Variants in WDR7 observed in about 807,000 individuals in gnomAD.
The protein encoded by WDR7 is WD repeat-containing protein 7.
WDR7 carries 46 observed loss-of-function variants against 169.4 expected under a neutral mutation model. The observed-to-expected ratio is 0.27, with a 90% CI of 0.21 to 0.35. WDR7 has a LOEUF of 0.35. WDR7 is among the 10% of genes least tolerant of loss of function. The pLI is 1.00. For missense variants in WDR7, 1,534 were observed against 1,859.3 expected (o/e 0.83, Z 3.22); for synonymous variants, 612 against 666.8 (o/e 0.92, Z 1.27).
At chr18:56,941,196 G>A (rs2047031518) in intron 25 of WDR7, among the ~76,000 whole-genome samples, 1 of 152,096 alleles carries the variant, frequency 6.6e-6, no homozygotes, top group African/African-American at 2.4e-5. Flanking sequence ...TCCTATGCTG[G>A]AGTAGAATTA....
At chr18:56,951,675 CTG>C (rs1202879970) in intron 25 of WDR7, among the ~76,000 whole-genome samples, 1 of 151,942 alleles carries the variant, frequency 6.6e-6, no homozygotes, top group African/African-American at 2.4e-5. Context: ...TACTGTATAT[CTG>C]TATTATATCT....
chr18:56,998,218 C>G (rs1173295043), intron 26 of WDR7, among the ~76,000 whole-genome samples: 2 of 152,160 alleles, frequency 1.3e-5, no homozygotes, highest in African/African-American at 4.8e-5. Context: ...GCCTGTGTTA[C>G]TCTCTCAGAC....
At chr18:56,727,170 A>C (rs1000489713) in intron 13 of WDR7, among the ~76,000 whole-genome samples, 1 of 152,220 alleles carries the variant, frequency 6.6e-6, no homozygotes, top group Admixed American at 6.5e-5. Flanking sequence ...AAATCCTTAC[A>C]TCTATTTTTT....
At chr18:56,846,089 T>C (rs1327381231) in intron 20 of WDR7, among the ~76,000 whole-genome samples, 1 of 152,216 alleles carries the variant, frequency 6.6e-6, no homozygotes, top group Non-Finnish European at 1.5e-5. Context: ...ATCATTGATA[T>C]ATTGTGACAA....
chr18:56,980,298 C>T (rs2047623244), intron 26 of WDR7, among the ~76,000 whole-genome samples: 1 of 152,166 alleles, frequency 6.6e-6, no homozygotes, highest in South Asian at 2.1e-4. Context: ...CTGTTGATCC[C>T]CATCCACAAG....
At chr18:56,746,870 T>C (rs190279315) in intron 14 of WDR7, among the ~76,000 whole-genome samples, 3 of 152,294 alleles carry the variant, frequency 2.0e-5, no homozygotes, top group Non-Finnish European at 4.4e-5. Context: ...ACCCACTAGA[T>C]GCTATTAGCA....
chr18:57,019,663 A>G (rs1477342897), intron 26 of WDR7, among the ~76,000 whole-genome samples: 2 of 152,124 alleles, frequency 1.3e-5, no homozygotes, highest in Admixed American at 1.3e-4. Context: ...TCTTCATCTT[A>G]GGCATTCAGA....
At chr18:57,017,904 G>A (rs942854110) in intron 26 of WDR7, among the ~76,000 whole-genome samples, 3 of 152,204 alleles carry the variant, frequency 2.0e-5, no homozygotes, top group Non-Finnish European at 4.4e-5. Context: ...TCACGTGGAT[G>A]TTTTAAATAC....
At chr18:56,882,052 A>G (rs2046115868) in intron 21 of WDR7, among the ~76,000 whole-genome samples, 1 of 152,196 alleles carries the variant, frequency 6.6e-6, no homozygotes, top group South Asian at 2.1e-4. Flanking sequence ...CCACCTGGGC[A>G]CATTACTCTC....
chr18:56,844,658 C>T (rs987985876), intron 20 of WDR7, among the ~76,000 whole-genome samples: 3 of 152,164 alleles, frequency 2.0e-5, no homozygotes, highest in Admixed American at 2.0e-4. Context: ...TTACATTCAA[C>T]AAGGTTCAAA....
At chr18:56,778,777 TTTAAGATTTTGTAAATTTTGAATTG>T (rs2044276050) in intron 17 of WDR7, among the ~76,000 whole-genome samples, 1 of 152,222 alleles carries the variant, frequency 6.6e-6, no homozygotes, top group South Asian at 2.1e-4. Flanking sequence ...TTTAACAATG[TTTAAGATTTTGTAAATTTTGAATTG>T]TTAGGTTTTT....
At chr18:56,690,888 TC>T (rs1469065147) in intron 7 of WDR7, among the ~76,000 whole-genome samples, 2 of 152,098 alleles carry the variant, frequency 1.3e-5, no homozygotes, top group African/African-American at 4.8e-5. Flanking sequence ...TGAGGTTGAT[TC>T]CCTATTATTT....
intron 8 of WDR7, 60 bp from the exon 9 acceptor site, chr18:56,691,655 G>T: frequency 7.0e-7 from 1 of 1,420,262 alleles, no homozygotes; most frequent in South Asian, 1.4e-5. Flanking sequence ...TTGTCATATG[G>T]AATTATAAAG....
At chr18:56,883,746 G>A (rs1384538227) in intron 21 of WDR7, among the ~76,000 whole-genome samples, 1 of 152,096 alleles carries the variant, frequency 6.6e-6, no homozygotes, top group East Asian at 1.9e-4. Flanking sequence ...CCACGTATGA[G>A]TGAGAACATA....
At position 56,682,690 on chromosome 18, in the gene WDR7, C is replaced by T. The variant is rs1348230410; in HGVS notation, c.357C>T (p.Phe119=). ...TGGCATGAATGTAGTTCTACCAGTT[C>T]TCTGTTGGGAATCAGCGAGAAGGAA... ...CTHTGIQFYQ[F]SVGNQREGRL... The change falls in exon 5 of 28, where the codon TTC becomes TTT. Residue 119 remains phenylalanine, a synonymous_variant. Transcript: ENST00000254442. The T allele has an allele frequency of 6.2e-7, 1 of 1,612,816 alleles. No individual in the cohort carries two copies. The highest frequency in any genetic ancestry group is 1.1e-5 in the South Asian group (1 of 90,928).
intron 16 of WDR7, among the ~76,000 whole-genome samples, chr18:56,763,167 G>C (rs2044006397): frequency 6.6e-6 from 1 of 152,150 alleles, no homozygotes; most frequent in Non-Finnish European, 1.5e-5. Context: ...CACCGTGTTA[G>C]CCAGGATGGT....
At chr18:56,687,035 AT>A (rs1468632539) in intron 7 of WDR7, 61 bp downstream of exon 7, 1 of 1,479,856 alleles carries the variant, frequency 6.8e-7, no homozygotes. Flanking sequence ...GGTTTATCAG[AT>A]TTCCAAAGAA....
intron 19 of WDR7, among the ~76,000 whole-genome samples, chr18:56,811,095 T>A (rs2044860952): frequency 6.6e-6 from 1 of 152,242 alleles, no homozygotes; most frequent in African/African-American, 2.4e-5. Context: ...TAATATTTAT[T>A]CATGCCATAG....
At chr18:56,880,569 A>G (rs1176888788) in intron 21 of WDR7, among the ~76,000 whole-genome samples, 1 of 152,216 alleles carries the variant, frequency 6.6e-6, no homozygotes, top group Admixed American at 6.5e-5. Flanking sequence ...AAGAAAATAT[A>G]TTCATTCTCC....
Sources: gnomAD v4.1 joint callset for allele counts (sites outside exome capture counted in the v4.1 genomes callset) on GRCh38, gnomAD v4.1.1 for gene constraint, MANE v1.5 for transcripts, NCBI Gene and HGNC (gene_info 2026-07-23, HGNC 2026-07-21) for gene names.